PCDHGB7: variants seen among roughly 807,000 people sequenced by gnomAD.
PCDHGB7 encodes protocadherin gamma subfamily B, 7, also known as protocadherin gamma-B7.
In PCDHGB7, 37 loss-of-function variants were observed where a neutral mutation model predicts 61.4. The ratio of observed to expected loss-of-function variants is 0.60; its 90% CI spans 0.46 to 0.79. The LOEUF is 0.79. Ranked by LOEUF, PCDHGB7 falls within the 30% of genes least tolerant of loss-of-function variation. PCDHGB7 has a pLI of 0.00. For synonymous variants in PCDHGB7, 464 were observed against 503.5 expected (o/e 0.92, Z 1.05); for missense variants, 1,166 against 1,202.5 (o/e 0.97, Z 0.45).
At chr5:141,506,682 C>T (rs1333272766) in intron 3 of PCDHGB7, among the ~76,000 whole-genome samples, 4 of 152,192 alleles carry the variant, frequency 2.6e-5, no homozygotes, top group African/African-American at 9.6e-5. Context: ...ATATTATTAT[C>T]TTTGCTGACC....
In PCDHGB7 at chr5:141,432,896, G is replaced by A. The variant is rs2097547014; in HGVS notation, c.2415+12622G>A. On this transcript the variant is annotated intron_variant, in intron 1 of 3. Transcript: ENST00000398594. This position sits in a 1 kb window ranked among gnomAD's most constrained non-coding sequence, Gnocchi z 6.0. ...CCTGGCCTTCGTCATCTTGCTGCTG[G>A]CGCTCAGGCTGCGGCGCTGGCACAA... is the stretch of plus-strand genomic sequence containing the variant. 6.2e-7 allele frequency: 1 copy of A among 1,614,056 alleles called. No homozygotes were observed. Among genetic ancestry groups the A allele is most frequent in the African/African-American group, 1.3e-5 (1 of 74,946 alleles).
At chr5:141,442,754 T>C (rs2098341364) in intron 1 of PCDHGB7, among the ~76,000 whole-genome samples, 1 of 152,220 alleles carries the variant, frequency 6.6e-6, no homozygotes, top group Non-Finnish European at 1.5e-5. Flanking sequence ...GTTTTGATTA[T>C]ATATATTTGT....
Position 141,490,798 on chromosome 5 carries a change from C to A in PCDHGB7, c.2416-4009C>A. 2 of 1,613,926 alleles carry A rather than the reference C, an allele frequency of 1.2e-6. No individual in the cohort carries two copies. Among genetic ancestry groups the A allele is most frequent in the South Asian group, 2.2e-5 (2 of 91,074 alleles). ...AGAGGATGGACGGATCTTTGCCCAG[C>A]GTACCTTTGACTATGAATTGCTGCA... On this transcript the variant is annotated intron_variant, in intron 1 of 3. Transcript: ENST00000398594. This position sits in a 1 kb window ranked among gnomAD's most constrained non-coding sequence, Gnocchi z 5.4.
At chr5:141,475,957 G>A (rs776101269) in intron 1 of PCDHGB7, 148 of 812,416 alleles carry the variant, frequency 1.8e-4, no homozygotes, top group Non-Finnish European at 2.6e-4. Flanking sequence ...CTGCGCCCCG[G>A]GATGAGGCAG....
intron 1 of PCDHGB7, among the ~76,000 whole-genome samples, chr5:141,429,629 C>G (rs2097230011): frequency 1.3e-5 from 2 of 152,160 alleles, no homozygotes; most frequent in Admixed American, 1.3e-4. Flanking sequence ...TATTTTCTCA[C>G]AGCTACCTAT....
chr5:141,492,851 C>T (rs1289268967), intron 1 of PCDHGB7, among the ~76,000 whole-genome samples: 2 of 152,204 alleles, frequency 1.3e-5, no homozygotes, highest in Non-Finnish European at 2.9e-5. Flanking sequence ...GTGAAAGCCT[C>T]GAGCGCCCTG....
chr5:141,469,213 G>C (rs866405809), intron 1 of PCDHGB7, among the ~76,000 whole-genome samples: 4 of 150,912 alleles, frequency 2.7e-5, no homozygotes, highest in African/African-American at 9.7e-5. Flanking sequence ...TGAAGTTGAG[G>C]CTTCAGTGAG....
At chr5:141,471,079 C>T (rs1169560328) in intron 1 of PCDHGB7, among the ~76,000 whole-genome samples, 1 of 145,256 alleles carries the variant, frequency 6.9e-6, no homozygotes, top group African/African-American at 2.5e-5. Context: ...GACAGGGTCT[C>T]CCTCTGTTGT....
At chr5:141,427,824 G>A (rs1298494092) in intron 1 of PCDHGB7, 5 of 1,535,458 alleles carry the variant, frequency 3.3e-6, no homozygotes, top group African/African-American at 1.4e-5. Flanking sequence ...GGTGGTGGTC[G>A]CGCAGCGTGC....
intron 1 of PCDHGB7, among the ~76,000 whole-genome samples, chr5:141,438,598 AT>A (rs1433028092): frequency 6.7e-5 from 2 of 29,776 alleles, no homozygotes; most frequent in Non-Finnish European, 1.4e-4. Context: ...ATACATATAT[AT>A]ATATATATAT....
At chr5:141,440,912 G>T (rs1281398967) in intron 1 of PCDHGB7, 1 of 152,254 alleles carries the variant, frequency 6.6e-6, no homozygotes, top group Admixed American at 6.5e-5. Context: ...GGGCACTCCT[G>T]TGCTGAGAGT....
chr5:141,433,062 T>G (rs1371087184), intron 1 of PCDHGB7: 1 of 1,614,074 alleles, frequency 6.2e-7, no homozygotes, highest in Non-Finnish European at 8.5e-7. Context: ...AAGAGTCACC[T>G]GATCTTCCCC....
chr5:141,421,243 C>A (rs201273667), intron 1 of PCDHGB7: 1 of 1,601,658 alleles, frequency 6.2e-7, no homozygotes. Flanking sequence ...GAATCGGCTA[C>A]AGCGCGGGGA....
rs1246204844 is a variant in PCDHGB7, at chr5:141,419,493, A to T, written c.1634A>T (p.Asn545Ile). The change falls in exon 1 of 4, where the codon AAT becomes ATT. Residue 545 changes from asparagine (N) to isoleucine (I), a missense_variant. Asn to Ile is a moderately radical substitution (Grantham distance 149). Coordinates refer to ENST00000398594, the MANE Select transcript of PCDHGB7 (RefSeq NM_018927.4). ...CAGGGCTCGCCCGCGCTCAGCGCCA[A>T]TGTGAGCCTGCGCGTGTTGGTGGGC... Reference protein sequence around the residue: ...RDQGSPALSANVSLRVLVGDR... With the variant: ...RDQGSPALSAIVSLRVLVGDR... 3 of 1,612,264 alleles carry T rather than the reference A, an allele frequency of 1.9e-6. No individual in the cohort carries two copies. The African/African-American group carries it at 4.0e-5, about 22-fold the overall frequency.
intron 1 of PCDHGB7, among the ~76,000 whole-genome samples, chr5:141,473,775 T>A (rs1219791398): frequency 6.6e-6 from 1 of 152,190 alleles, no homozygotes; most frequent in African/African-American, 2.4e-5. Flanking sequence ...ATTTGGTATT[T>A]TAATTCAAGA....
chr5:141,433,262 T>A, intron 1 of PCDHGB7: 1 of 1,339,436 alleles, frequency 7.5e-7, no homozygotes, highest in Non-Finnish European at 1.0e-6. Flanking sequence ...GGTACGATCA[T>A]AGCTCACTGC....
At chr5:141,429,597 G>A (rs937301997) in intron 1 of PCDHGB7, among the ~76,000 whole-genome samples, 2 of 152,094 alleles carry the variant, frequency 1.3e-5, no homozygotes, top group Non-Finnish European at 2.9e-5. Flanking sequence ...TGTAATTCAA[G>A]TAAACTCAAT....
At position 141,419,955 on chromosome 5, in the gene PCDHGB7, T is replaced by C; in HGVS notation, c.2096T>C (p.Ile699Thr). The C allele has an allele frequency of 1.9e-6, 3 of 1,614,096 alleles. No homozygotes were observed. Among genetic ancestry groups the C allele is most frequent in the Non-Finnish European group, 2.5e-6 (3 of 1,179,904 alleles). Residue 699 changes from isoleucine to threonine, a missense_variant, in exon 1 of 4, where the codon ATT becomes ACT. Ile to Thr is a moderately conservative substitution (Grantham distance 89). Coordinates refer to ENST00000398594, the MANE Select transcript of PCDHGB7 (RefSeq NM_018927.4). ...TACCTGGTGGTGGCCTTGGCCTTGATTTCTGTGCTCTTTCTCCTCGCGGTG... is the reference window on the plus strand; with the variant it reads ...TACCTGGTGGTGGCCTTGGCCTTGACTTCTGTGCTCTTTCTCCTCGCGGTG... ...QFYLVVALAL[I>T]SVLFLLAVIL...
intron 1 of PCDHGB7, chr5:141,421,399 C>G: frequency 4.3e-6 from 7 of 1,614,046 alleles, no homozygotes; most frequent in Non-Finnish European, 5.1e-6. Context: ...GCTGGAGCCC[C>G]GGGAGCTGGC....
Sources: allele counts gnomAD v4.1 joint callset (sites outside exome capture counted in the v4.1 genomes callset), GRCh38; gene constraint gnomAD v4.1.1; non-coding constraint Gnocchi (gnomAD v3.1); transcripts MANE v1.5; gene names NCBI Gene and HGNC (gene_info 2026-07-23, HGNC 2026-07-21).